Variants in STK17A observed in about 807,000 individuals in gnomAD.
STK17A encodes serine/threonine kinase 17a.
A neutral mutation model predicts 43.7 loss-of-function variants in STK17A; 26 were observed. The observed-to-expected ratio is 0.60, with a 90% CI of 0.44 to 0.83. STK17A has a LOEUF of 0.83. STK17A is among the 40% of genes least tolerant of loss of function. The pLI, the probability that STK17A is intolerant of heterozygous loss-of-function variation, is 0.00. For synonymous variants in STK17A, 191 were observed against 182.5 expected (o/e 1.05, Z -0.38); for missense variants, 476 against 511.6 (o/e 0.93, Z 0.67).
chr7:43,614,346 A>G (rs1283412436), intron 3 of STK17A, among the ~76,000 whole-genome samples: 1 of 152,030 alleles, frequency 6.6e-6, no homozygotes, highest in Non-Finnish European at 1.5e-5. Flanking sequence ...CTCCCTTACT[A>G]CCTGGGATTC....
At chr7:43,603,080 C>T (rs1236656383) in intron 2 of STK17A, among the ~76,000 whole-genome samples, 3 of 152,184 alleles carry the variant, frequency 2.0e-5, no homozygotes, top group Non-Finnish European at 4.4e-5. Flanking sequence ...TAAACCTCTC[C>T]AGTAGCTTCT....
intron 2 of STK17A, among the ~76,000 whole-genome samples, chr7:43,607,910 G>A (rs1319853032): frequency 2.6e-5 from 4 of 152,124 alleles, no homozygotes; most frequent in South Asian, 2.1e-4. Context: ...ACATTACATC[G>A]TGGTGCATCT....
chr7:43,614,261 A>G (rs2083145160), intron 3 of STK17A, among the ~76,000 whole-genome samples: 1 of 152,172 alleles, frequency 6.6e-6, no homozygotes, highest in African/African-American at 2.4e-5. Context: ...GCCACCATCT[A>G]TTTACGGACC....
In STK17A at chr7:43,595,847, G is replaced by A. The variant is rs990100438; in HGVS notation, c.207-54G>A. The A allele has an allele frequency of 5.2e-6, 8 of 1,531,836 alleles. No homozygotes were observed. In the African/African-American group the frequency reaches 1.1e-4, roughly 21 times the overall value. 94.9% of individuals were successfully genotyped at this position (1,531,836 alleles called of 1,614,324 possible). On this transcript the variant is annotated intron_variant, in intron 1 of 6. Transcript: ENST00000319357. ...GTATTTGGAAATTTCATTGAAATCT[G>A]CCATCTCTGGAAAGTTGTCAACTTT...
chr7:43,603,040 A>G (rs1330793195), intron 2 of STK17A, among the ~76,000 whole-genome samples: 5 of 152,088 alleles, frequency 3.3e-5, no homozygotes, highest in Non-Finnish European at 7.4e-5. Flanking sequence ...ACACTCCTAT[A>G]CAGTATAATG....
At chr7:43,616,569 G>T (rs980686277) in intron 3 of STK17A, among the ~76,000 whole-genome samples, 5 of 152,176 alleles carry the variant, frequency 3.3e-5, no homozygotes, top group Admixed American at 1.3e-4. Context: ...GGGTAGGAAG[G>T]ATGGTTGGAT....
intron 4 of STK17A, chr7:43,623,088 T>C (rs1583804283): frequency 6.5e-6 from 1 of 153,012 alleles, no homozygotes; most frequent in East Asian, 1.9e-4. Context: ...TGTTGACTTT[T>C]TGTTAATGGG....
intron 2 of STK17A, 95 bp from the exon 3 acceptor site, chr7:43,608,161 A>G (rs1583560926): frequency 8.3e-7 from 1 of 1,210,406 alleles, no homozygotes; most frequent in East Asian, 2.4e-5. Flanking sequence ...GTATACAGTT[A>G]CTGCCAGACT....
chr7:43,624,446 ATACAG>A (rs756129755), intron 6 of STK17A, 67 bp from the exon 7 acceptor site: 1 of 1,438,324 alleles, frequency 7.0e-7, no homozygotes, highest in Non-Finnish European at 9.3e-7. Context: ...AATGCAATAA[ATACAG>A]TACCTTATGC....
chr7:43,622,580 G>T (rs1244440018), intron 4 of STK17A: 1 of 151,934 alleles, frequency 6.6e-6, no homozygotes, highest in Non-Finnish European at 1.5e-5. Context: ...TAAGTGGATT[G>T]TGAGTAGATT....
intron 2 of STK17A, among the ~76,000 whole-genome samples, chr7:43,604,809 G>T (rs2082577614): frequency 6.6e-6 from 1 of 152,064 alleles, no homozygotes; most frequent in South Asian, 2.1e-4. Context: ...TTGAATTACA[G>T]TGTATTAAAT....
Position 43,623,853 on chromosome 7 carries a change from T to C in STK17A, c.885T>C (p.Val295=). The change falls in exon 6 of 7, where the codon GTT becomes GTC. Residue 295 remains valine, a synonymous_variant. Transcript: ENST00000319357. ...TTGATGTTTTGTCTGAGTCGGCTGT[T>C]GATTTCATCAGGACACTTTTAGTTA... The part of the protein sequence containing the change: ...EEFDVLSESA[V]DFIRTLLVKK... The C allele has an allele frequency of 1.9e-6, 3 of 1,591,820 alleles. No individual in the cohort carries two copies. The highest frequency in any genetic ancestry group is 2.6e-6 in the Non-Finnish European group (3 of 1,172,548).
rs560463535 is a variant in STK17A, at chr7:43,593,326, T to C, written c.207-2575T>C. ...TGATGGACACTTAGGTTGGTATCTT[T>C]GCTATTATGAATAGGGCTGTGATTA... On this transcript the variant is annotated intron_variant, in intron 1 of 6. Coordinates refer to ENST00000319357, the MANE Select transcript of STK17A (RefSeq NM_004760.3). Among the ~76,000 whole-genome samples, 7 of 152,374 alleles carry C rather than the reference T, an allele frequency of 4.6e-5. No individual in the cohort carries two copies. In the East Asian group the frequency reaches 1.3e-3, roughly 29 times the overall value.
chr7:43,592,627 A>G (rs1192599488), intron 1 of STK17A, among the ~76,000 whole-genome samples: 1 of 150,584 alleles, frequency 6.6e-6, no homozygotes, highest in East Asian at 2.0e-4. Flanking sequence ...AGGTGGGTGG[A>G]TCACTTGAGG....
intron 4 of STK17A, chr7:43,622,645 GTCTT>G (rs1181532721): frequency 2.0e-5 from 3 of 151,646 alleles, no homozygotes; most frequent in African/African-American, 4.8e-5. Flanking sequence ...ATTTGACAGT[GTCTT>G]TCTATTGTGT....
chr7:43,585,436 T>A (rs1486425897), intron 1 of STK17A, among the ~76,000 whole-genome samples: 2 of 151,370 alleles, frequency 1.3e-5, no homozygotes, highest in African/African-American at 2.4e-5. Context: ...CCGATCAGGT[T>A]TTTTTTTAAG....
chr7:43,618,184 C>T (rs1479397593), intron 3 of STK17A, among the ~76,000 whole-genome samples: 1 of 152,138 alleles, frequency 6.6e-6, no homozygotes, highest in Non-Finnish European at 1.5e-5. Context: ...ATGCTGTGTA[C>T]ACCATGCTGT....
chr7:43,604,463 TCTC>T (rs1163673918), intron 2 of STK17A, among the ~76,000 whole-genome samples: 15 of 152,170 alleles, frequency 9.9e-5, no homozygotes, highest in African/African-American at 3.1e-4. Context: ...TTCTACCTCA[TCTC>T]CTTCTAGTCC....
chr7:43,589,581 A>G (rs1443600340), intron 1 of STK17A, among the ~76,000 whole-genome samples: 1 of 142,596 alleles, frequency 7.0e-6, no homozygotes, highest in African/African-American at 2.5e-5. Context: ...GTCCAACTAT[A>G]ACTCCTACCA....
Sources: gnomAD v4.1 joint callset for allele counts (sites outside exome capture counted in the v4.1 genomes callset) on GRCh38, gnomAD v4.1.1 for gene constraint, MANE v1.5 for transcripts, NCBI Gene and HGNC (gene_info 2026-07-23, HGNC 2026-07-21) for gene names.